Variants in RSRC1 observed in about 807,000 individuals in gnomAD.
RSRC1 encodes the protein serine/Arginine-related protein 53.
A neutral mutation model predicts 49.1 loss-of-function variants in RSRC1; 39 were observed. That is an observed-to-expected ratio of 0.79 (90% CI 0.61 to 1.04). The LOEUF is 1.04. Ranked by LOEUF, RSRC1 falls within the 50% of genes least tolerant of loss-of-function variation. The pLI is 0.00. For synonymous variants in RSRC1, 143 were observed against 130.8 expected, an observed-to-expected ratio of 1.09 and a Z score of -0.63; for missense variants, 388 against 402.4, an observed-to-expected ratio of 0.96 and a Z score of 0.31.
intron 3 of RSRC1, among the ~76,000 whole-genome samples, chr3:158,143,602 T>A (rs1716883408): frequency 6.6e-6 from 1 of 152,202 alleles, no homozygotes; most frequent in Admixed American, 6.5e-5. Context: ...GCTTATAAAA[T>A]TTTTTTAGGC....
intron 3 of RSRC1, among the ~76,000 whole-genome samples, chr3:158,138,250 A>T (rs1716528096): frequency 6.6e-6 from 1 of 152,194 alleles, no homozygotes; most frequent in African/African-American, 2.4e-5. Flanking sequence ...TGAGTGGATG[A>T]TCTGTCCATG....
At chr3:158,221,383 A>T (rs559805992) in intron 4 of RSRC1, among the ~76,000 whole-genome samples, 1 of 151,468 alleles carries the variant, frequency 6.6e-6, no homozygotes, top group African/African-American at 2.4e-5. Flanking sequence ...TGGATTTCTC[A>T]TCCATTAGAT....
intron 5 of RSRC1, among the ~76,000 whole-genome samples, chr3:158,303,937 T>A (rs1381416373): frequency 3.3e-5 from 5 of 152,204 alleles, no homozygotes; most frequent in Non-Finnish European, 7.3e-5. Context: ...AAATGAATGA[T>A]AATACATCTT....
chr3:158,324,681 C>T (rs62289484), intron 5 of RSRC1, among the ~76,000 whole-genome samples: 33 of 152,138 alleles, frequency 2.2e-4, no homozygotes, highest in African/African-American at 7.0e-4. Context: ...TGAATAGTGC[C>T]GCAATAAACA....
chr3:158,259,651 C>T (rs945903817), intron 4 of RSRC1, among the ~76,000 whole-genome samples: 9 of 152,138 alleles, frequency 5.9e-5, no homozygotes, highest in Admixed American at 3.3e-4. Context: ...GGCTTGTGTC[C>T]TTCTTTTCAG....
At chr3:158,527,777 C>G (rs950589211) in intron 7 of RSRC1, among the ~76,000 whole-genome samples, 4 of 151,902 alleles carry the variant, frequency 2.6e-5, no homozygotes, top group African/African-American at 9.7e-5. Flanking sequence ...TTTTTAGTAG[C>G]TGTTCCACCC....
intron 4 of RSRC1, among the ~76,000 whole-genome samples, chr3:158,245,599 G>C (rs1723843195): frequency 6.6e-6 from 1 of 152,096 alleles, no homozygotes; most frequent in Non-Finnish European, 1.5e-5. Flanking sequence ...TCTGTGATCT[G>C]TCTAATATTG....
At chr3:158,472,712 GT>G (rs2108423730) in intron 7 of RSRC1, among the ~76,000 whole-genome samples, 1 of 152,188 alleles carries the variant, frequency 6.6e-6, no homozygotes, top group South Asian at 2.1e-4. Flanking sequence ...TTGTAAATTT[GT>G]TTGAGTTCTT....
intron 6 of RSRC1, among the ~76,000 whole-genome samples, chr3:158,434,992 G>C (rs187607487): frequency 3.8e-4 from 58 of 151,964 alleles, no homozygotes; most frequent in African/African-American, 1.3e-3. Context: ...ATATTTTAAG[G>C]ATCTCAAACT....
intron 4 of RSRC1, among the ~76,000 whole-genome samples, chr3:158,286,839 T>C (rs958925125): frequency 1.3e-5 from 2 of 152,212 alleles, no homozygotes; most frequent in Non-Finnish European, 2.9e-5. Flanking sequence ...AGGAAAGATA[T>C]ACACATGTTG....
At chr3:158,211,708 C>A (rs1721688367) in intron 4 of RSRC1, among the ~76,000 whole-genome samples, 1 of 151,720 alleles carries the variant, frequency 6.6e-6, no homozygotes, top group Non-Finnish European at 1.5e-5. Flanking sequence ...CTTTTTTGAA[C>A]TTTAAATTTA....
At chr3:158,394,337 T>A (rs1331903118) in intron 6 of RSRC1, among the ~76,000 whole-genome samples, 1 of 151,962 alleles carries the variant, frequency 6.6e-6, no homozygotes, top group Non-Finnish European at 1.5e-5. Context: ...AAAAAGGCAT[T>A]CAAATAGGAA....
chr3:158,149,718 A>G (rs778654674), intron 3 of RSRC1, among the ~76,000 whole-genome samples: 7 of 152,116 alleles, frequency 4.6e-5, no homozygotes, highest in Non-Finnish European at 8.8e-5. Context: ...GTTGAAACCA[A>G]CCTTTCTTAG....
chr3:158,179,722 A>G (rs1481459476), intron 3 of RSRC1, among the ~76,000 whole-genome samples: 1 of 152,134 alleles, frequency 6.6e-6, no homozygotes, highest in Non-Finnish European at 1.5e-5. Context: ...TTGTGTGAAC[A>G]TATTATTTTC....
intron 6 of RSRC1, among the ~76,000 whole-genome samples, chr3:158,440,442 G>A (rs1221364235): frequency 6.6e-6 from 1 of 152,058 alleles, no homozygotes; most frequent in Admixed American, 6.6e-5. Flanking sequence ...GTCTCCAGGG[G>A]ATCTTTGGAC....
At chr3:158,415,110 C>T (rs1354423418) in intron 6 of RSRC1, among the ~76,000 whole-genome samples, 1 of 152,070 alleles carries the variant, frequency 6.6e-6, no homozygotes, top group East Asian at 1.9e-4. Context: ...TGTGCCAGGG[C>T]AAATGGTGAA....
intron 3 of RSRC1, among the ~76,000 whole-genome samples, chr3:158,128,503 T>C (rs1467290265): frequency 6.6e-6 from 1 of 152,202 alleles, no homozygotes; most frequent in African/African-American, 2.4e-5. Context: ...ACTTTTTTTG[T>C]TTCTTACAGG....
At chr3:158,126,613 A>G (rs1170441208) in intron 3 of RSRC1, among the ~76,000 whole-genome samples, 2 of 152,184 alleles carry the variant, frequency 1.3e-5, no homozygotes, top group African/African-American at 2.4e-5. Flanking sequence ...AATGTTTTAC[A>G]TACCACCATT....
At chr3:158,161,848 T>C (rs923594150) in intron 3 of RSRC1, among the ~76,000 whole-genome samples, 2 of 151,970 alleles carry the variant, frequency 1.3e-5, no homozygotes, top group Non-Finnish European at 2.9e-5. Flanking sequence ...GAATCAAAGA[T>C]CTCATCAATT....
Sources: gnomAD v4.1 joint callset for allele counts (sites outside exome capture counted in the v4.1 genomes callset) on GRCh38, gnomAD v4.1.1 for gene constraint, MANE v1.5 for transcripts, NCBI Gene and HGNC (gene_info 2026-07-23, HGNC 2026-07-21) for gene names.